The following STN1 variants were observed in gnomAD, a reference collection of about 807,000 sequenced individuals.
STN1 encodes the protein STN1 subunit of CST complex, also known as CST complex subunit STN1.
In STN1, 29 loss-of-function variants were observed where a neutral mutation model predicts 45.5. The ratio of observed to expected loss-of-function variants is 0.64; its 90% CI spans 0.47 to 0.87. The LOEUF is 0.87. STN1 is among the 40% of genes least tolerant of loss of function. STN1 has a pLI of 0.00. For synonymous variants in STN1, 148 were observed against 159.0 expected, an observed-to-expected ratio of 0.93 and a Z score of 0.52; for missense variants, 376 against 441.4, an observed-to-expected ratio of 0.85 and a Z score of 1.33.
intron 6 of STN1, 36 bp downstream of exon 6, chr10:103,898,841 T>C (rs772084805): frequency 6.2e-7 from 1 of 1,611,206 alleles, no homozygotes; most frequent in Non-Finnish European, 8.5e-7. Context: ...TTTTCTGCCG[T>C]GGTCACGTGC....
In STN1 at chr10:103,881,314, T is replaced by C. The variant is rs1843067299; in HGVS notation, c.*1370A>G. Among the ~76,000 whole-genome samples, 1 of 152,204 alleles carries C rather than the reference T, an allele frequency of 6.6e-6. No individual in the cohort carries two copies. The highest frequency in any genetic ancestry group is 1.5e-5 in the Non-Finnish European group (1 of 68,030). ...TACCTTCTGATTCTGAACTCCTTCCTGGGCAGCCCCACTAATCAGATGCAT... is the reference window on the plus strand; with the variant it reads ...TACCTTCTGATTCTGAACTCCTTCCCGGGCAGCCCCACTAATCAGATGCAT... On this transcript the variant is annotated 3_prime_UTR_variant, in exon 10 of 10. Coordinates refer to ENST00000224950, the MANE Select transcript of STN1 (RefSeq NM_024928.5).
intron 8 of STN1, among the ~76,000 whole-genome samples, chr10:103,891,648 TG>T (rs776212839): frequency 1.3e-5 from 2 of 152,190 alleles, no homozygotes; most frequent in Non-Finnish European, 2.9e-5. Flanking sequence ...AGTCAGGGAT[TG>T]GAAACAATGA....
intron 4 of STN1, among the ~76,000 whole-genome samples, chr10:103,900,522 A>C (rs1481503996): frequency 2.6e-5 from 4 of 152,196 alleles, no homozygotes; most frequent in Admixed American, 2.6e-4. Flanking sequence ...GTGCAGTCAA[A>C]GGGCTCTGCA....
intron 2 of STN1, among the ~76,000 whole-genome samples, chr10:103,914,365 TATATA>T (rs1446490381): frequency 0.054 from 822 of 15,336 alleles, 57 homozygotes; most frequent in South Asian, 0.26. Flanking sequence ...TATATATATA[TATATA>T]TATATTTTTT....
rs370180162 is a variant in STN1, at chr10:103,914,357, TATATATATATATATATA to T, written c.133+3088_133+3104del. 1.6e-3 allele frequency among the ~76,000 whole-genome samples: 120 copies of T among 76,322 alleles called. 5 individuals carry two copies. The highest frequency in any genetic ancestry group is 2.6e-3 in the African/African-American group (39 of 15,196). 50.1% of individuals were successfully genotyped at this position (76,322 alleles called of 152,430 possible). On this transcript the variant is annotated intron_variant, in intron 2 of 9. Transcript: ENST00000224950. ...ATACATATATATATATATATATATA[TATATATATATATATATA>T]TTTTTTTTTTTTTTTTTTGAGACAG...
intron 7 of STN1, among the ~76,000 whole-genome samples, 170 bp from the exon 8 acceptor site, chr10:103,892,422 T>C (rs957167426): frequency 2.0e-5 from 3 of 151,958 alleles, no homozygotes; most frequent in African/African-American, 7.3e-5. Context: ...TAAGGAGGAC[T>C]GAGAAGTGTG....
At chr10:103,909,370 ATATATATATG>A (rs1176807416) in intron 3 of STN1, among the ~76,000 whole-genome samples, 9 of 108,232 alleles carry the variant, frequency 8.3e-5, no homozygotes, top group East Asian at 2.4e-4. Flanking sequence ...AAAAAAATAT[ATATATATATG>A]TATATATATG....
Position 103,889,581 on chromosome 10 carries a change from GAAA to G in STN1, c.877-440_877-438del, listed in dbSNP as rs35804344. 4.5e-3 allele frequency among the ~76,000 whole-genome samples: 498 copies of G among 111,620 alleles called. 4 individuals are homozygous for G. The highest frequency in any genetic ancestry group is 0.017 in the African/African-American group (460 of 26,900). The allele number at this position is 111,620 out of a possible 152,430, so 73.2% of individuals were successfully genotyped here. A position where few individuals can be genotyped will look rare whatever the true frequency, so the allele number is the denominator to read the frequency against. The stretch of plus-strand genomic sequence containing the variant: ...CCAACCACAAGGAAAAATAAAAGGA[GAAA>G]AAAAAAAAAAAAACCCTGCAAGGAC... On this transcript the variant is annotated intron_variant, in intron 8 of 9. Coordinates refer to ENST00000224950, the MANE Select transcript of STN1 (RefSeq NM_024928.5).
chr10:103,893,002 A>C (rs1843149632), intron 7 of STN1, among the ~76,000 whole-genome samples: 1 of 152,164 alleles, frequency 6.6e-6, no homozygotes, highest in African/African-American at 2.4e-5. Context: ...ACTTTGTTTC[A>C]TCTTGGCCAC....
intron 4 of STN1, among the ~76,000 whole-genome samples, chr10:103,900,614 G>C (rs544443050): frequency 2.0e-5 from 3 of 152,170 alleles, no homozygotes; most frequent in African/African-American, 4.8e-5. Context: ...ATGTCCTTGC[G>C]AGGAGACTTG....
At chr10:103,888,578 T>C (rs568015111) in intron 9 of STN1, among the ~76,000 whole-genome samples, 2 of 152,330 alleles carry the variant, frequency 1.3e-5, no homozygotes, top group East Asian at 1.9e-4. Flanking sequence ...ACACCGTTCA[T>C]AAACAGTCAT....
intron 2 of STN1, among the ~76,000 whole-genome samples, chr10:103,916,188 T>C (rs9419958): frequency 0.76 from 115,325 of 152,160 alleles, 46,218 homozygotes; most frequent in East Asian, 0.99. Context: ...CAAAGATCAC[T>C]GGTCCTGTTT....
At position 103,882,814 on chromosome 10, in the gene STN1, T is replaced by G. The variant is rs757540440; in HGVS notation, c.977A>C (p.His326Pro). 28 of 1,613,300 alleles carry G rather than the reference T, an allele frequency of 1.7e-5. No individual in the cohort carries two copies. Among genetic ancestry groups the G allele is most frequent in the Non-Finnish European group, 2.3e-5 (27 of 1,179,614 alleles). Residue 326 changes from histidine (H) to proline (P), a missense_variant, in exon 10 of 10, where the codon CAC becomes CCC. Transcript: ENST00000224950. ...NHMEKGCHFLHILACARLSIR... is the reference protein window; with the variant it reads ...NHMEKGCHFLPILACARLSIR... ...GCTCAGGCGAGCACAGGCCAAGATG[T>G]GCAGGAAGTGACAGCCCTTCTCCAT...
In STN1 at chr10:103,892,271, G is replaced by GA. The variant is rs745395040; in HGVS notation, c.754-20dup. 1.9e-6 allele frequency: 3 copies of GA among 1,575,454 alleles called. No homozygotes were observed. The highest frequency in any genetic ancestry group is 2.6e-6 in the Non-Finnish European group (3 of 1,169,280). On this transcript the variant is annotated intron_variant, in intron 7 of 9. Coordinates refer to ENST00000224950, the MANE Select transcript of STN1 (RefSeq NM_024928.5). ...AATTCACCTGTAAAGAGAGGAAAAA[G>GA]AAAAAAGAAAAGAAATAAGTCTCAC...
At chr10:103,906,136 A>AT (rs1843238988) in intron 3 of STN1, among the ~76,000 whole-genome samples, 1 of 152,190 alleles carries the variant, frequency 6.6e-6, no homozygotes, top group African/African-American at 2.4e-5. Context: ...TACTAAAATA[A>AT]ATCCTAGATG....
chr10:103,898,154 T>C (rs1048984788), intron 6 of STN1: 1 of 155,822 alleles, frequency 6.4e-6, no homozygotes, highest in South Asian at 1.9e-4. Flanking sequence ...TATGAGTCTA[T>C]AGTTGTGCTT....
intron 9 of STN1, among the ~76,000 whole-genome samples, chr10:103,887,293 A>C (rs1418240782): frequency 6.6e-6 from 1 of 152,248 alleles, no homozygotes; most frequent in East Asian, 1.9e-4. Flanking sequence ...GCTAAACTTC[A>C]CTTGTGTTTT....
At chr10:103,911,563 T>G (rs888034512) in intron 2 of STN1, among the ~76,000 whole-genome samples, 6 of 152,168 alleles carry the variant, frequency 3.9e-5, no homozygotes, top group African/African-American at 1.4e-4. Context: ...TTTTTTAAAT[T>G]AGACATGGGC....
intron 9 of STN1, 101 bp downstream of exon 9, chr10:103,888,971 G>T: frequency 1.3e-6 from 1 of 796,358 alleles, no homozygotes. Flanking sequence ...AGTCACTACT[G>T]GGAAAAGTCC....
Sources: allele counts gnomAD v4.1 joint callset (sites outside exome capture counted in the v4.1 genomes callset), GRCh38; gene constraint gnomAD v4.1.1; transcripts MANE v1.5; gene names NCBI Gene and HGNC (gene_info 2026-07-23, HGNC 2026-07-21).